GRID2: variants seen among roughly 807,000 people sequenced by gnomAD.
The protein encoded by GRID2 is glutamate receptor ionotropic, delta-2.
Under a neutral mutation model 114.8 loss-of-function variants are expected in GRID2, and 33 were observed. The observed-to-expected ratio is 0.29, with a 90% CI of 0.22 to 0.38. The LOEUF (loss-of-function observed/expected upper bound fraction) is 0.38, where lower values mean the gene tolerates loss of function less well. GRID2 is among the 10% of genes least tolerant of loss of function. The pLI, the probability that GRID2 is intolerant of heterozygous loss-of-function variation, is 1.00. For missense variants in GRID2, 1,184 were observed against 1,257.7 expected, an observed-to-expected ratio of 0.94 and a Z score of 0.89; for synonymous variants, 505 against 449.9, an observed-to-expected ratio of 1.12 and a Z score of -1.55.
intron 1 of GRID2, among the ~76,000 whole-genome samples, chr4:92,418,855 A>T (rs190254686): frequency 6.6e-6 from 1 of 152,138 alleles, no homozygotes; most frequent in Admixed American, 6.6e-5. Flanking sequence ...GAGCTTCAAA[A>T]AATAATAATA....
rs986662011 is a variant in GRID2 at position 93,748,977 on chromosome 4, T to C, written c.2361-20233T>C. Among the ~76,000 whole-genome samples, 16 of 150,544 alleles carry C rather than the reference T, an allele frequency of 1.1e-4. No homozygotes were observed. In the East Asian group the frequency reaches 2.6e-3, roughly 24 times the overall value. ...ACCATTGCATAGGTAGGGGTATTCT[T>C]CCACTACAGTCACATCATTTGGCCT... On this transcript the variant is annotated intron_variant, in intron 14 of 15. Transcript: ENST00000282020.
chr4:93,144,182 G>A (rs1311316007), intron 4 of GRID2, among the ~76,000 whole-genome samples: 3 of 152,028 alleles, frequency 2.0e-5, no homozygotes, highest in South Asian at 2.1e-4. Context: ...CACACTTTGC[G>A]AACAACTATT....
intron 8 of GRID2, among the ~76,000 whole-genome samples, chr4:93,239,289 ATG>A (rs1240283158): frequency 1.3e-4 from 19 of 150,018 alleles, no homozygotes; most frequent in African/African-American, 4.6e-4. Context: ...ATCAAATCAT[ATG>A]TATATATACA....
intron 5 of GRID2, among the ~76,000 whole-genome samples, chr4:93,215,138 A>G (rs1744042742): frequency 1.3e-5 from 2 of 152,126 alleles, no homozygotes; most frequent in African/African-American, 4.8e-5. Context: ...TTTTTATCCA[A>G]TATGCTGATT....
chr4:92,774,131 G>T (rs950352888), intron 2 of GRID2, among the ~76,000 whole-genome samples: 2 of 152,102 alleles, frequency 1.3e-5, no homozygotes, highest in African/African-American at 4.8e-5. Context: ...ATCCAGCCCA[G>T]CCAAGGCAGA....
At chr4:92,482,035 A>ATAT (rs1560660653) in intron 1 of GRID2, among the ~76,000 whole-genome samples, 2 of 57,172 alleles carry the variant, frequency 3.5e-5, no homozygotes, top group African/African-American at 1.3e-4. Context: ...TATATATATA[A>ATAT]AATAACAATA....
chr4:93,797,956 C>G (rs1399488652), intron 1 of GRID2, among the ~76,000 whole-genome samples: 1 of 151,550 alleles, frequency 6.6e-6, no homozygotes, highest in Admixed American at 6.6e-5. Flanking sequence ...AGTTCCAGAC[C>G]AGCCTGACCA....
rs35452796 is a variant in GRID2, at chr4:93,354,671, C to CGTGT, written c.1246-40895_1246-40892dup. Among the ~76,000 whole-genome samples, 469 of 130,282 alleles carry CGTGT rather than the reference C, an allele frequency of 3.6e-3. 2 individuals are homozygous for CGTGT. Among genetic ancestry groups the CGTGT allele is most frequent in the Admixed American group, 6.0e-3 (74 of 12,418 alleles). The allele number at this position is 130,282 out of a possible 152,430, so 85.5% of individuals were successfully genotyped here. A position where few individuals can be genotyped will look rare whatever the true frequency, so the allele number is the denominator to read the frequency against. Reference sequence around the variant, plus strand: ...ATTTACTCCCCTGGGGTGGCTCATCCGTGTGTGTGTGTGTGTGTGTGTGTG... The same window carrying CGTGT: ...ATTTACTCCCCTGGGGTGGCTCATCCGTGTGTGTGTGTGTGTGTGTGTGTGTGTG... On this transcript the variant is annotated intron_variant, in intron 8 of 15. Transcript: ENST00000282020.
chr4:93,185,275 T>C (rs991961920), intron 4 of GRID2, among the ~76,000 whole-genome samples: 1 of 152,196 alleles, frequency 6.6e-6, no homozygotes, highest in Non-Finnish European at 1.5e-5. Flanking sequence ...GAAATGTTTT[T>C]GTCATTTGCT....
At chr4:92,347,427 C>T (rs1426185287) in intron 1 of GRID2, among the ~76,000 whole-genome samples, 2 of 152,026 alleles carry the variant, frequency 1.3e-5, no homozygotes, top group Non-Finnish European at 2.9e-5. Context: ...TACATATATG[C>T]CTAATCAATA....
chr4:92,517,709 T>C (rs1295101105), intron 1 of GRID2, among the ~76,000 whole-genome samples: 1 of 151,918 alleles, frequency 6.6e-6, no homozygotes, highest in Non-Finnish European at 1.5e-5. Context: ...GTTAAAATAG[T>C]CAATTTTTAA....
At chr4:92,596,279 A>T (rs1307482004) in intron 2 of GRID2, among the ~76,000 whole-genome samples, 1 of 151,930 alleles carries the variant, frequency 6.6e-6, no homozygotes, top group African/African-American at 2.4e-5. Flanking sequence ...CACTGTTTTC[A>T]TTCCTACTTT....
chr4:92,531,741 T>C (rs551376561), intron 1 of GRID2, among the ~76,000 whole-genome samples: 45 of 152,230 alleles, frequency 3.0e-4, no homozygotes, highest in African/African-American at 8.7e-4. Context: ...TTTCCTGTTA[T>C]TAAAAACCAT....
At chr4:93,745,316 G>C (rs765396132) in intron 14 of GRID2, among the ~76,000 whole-genome samples, 20 of 151,880 alleles carry the variant, frequency 1.3e-4, no homozygotes, top group Non-Finnish European at 2.5e-4. Context: ...AGCAGACTTA[G>C]AAAAAAAGAG....
chr4:92,447,776 C>G (rs1733548080), intron 1 of GRID2, among the ~76,000 whole-genome samples: 1 of 152,144 alleles, frequency 6.6e-6, no homozygotes, highest in African/African-American at 2.4e-5. Flanking sequence ...AGCTAACATT[C>G]TGAGTTCTCT....
intron 1 of GRID2, among the ~76,000 whole-genome samples, chr4:92,447,570 T>A (rs1198839651): frequency 6.6e-6 from 1 of 152,238 alleles, no homozygotes; most frequent in African/African-American, 2.4e-5. Context: ...TAACTTCTTA[T>A]CTTAGTCCAC....
intron 1 of GRID2, among the ~76,000 whole-genome samples, chr4:93,793,020 T>A (rs2110360214): frequency 6.6e-6 from 1 of 152,350 alleles, no homozygotes. Flanking sequence ...ATAAGTATCT[T>A]TTTAACCTAT....
At chr4:92,605,168 C>T (rs1307299548) in intron 2 of GRID2, among the ~76,000 whole-genome samples, 2 of 152,014 alleles carry the variant, frequency 1.3e-5, no homozygotes, top group Non-Finnish European at 2.9e-5. Flanking sequence ...TGGTCTCAGG[C>T]AGTTCTTTAT....
chr4:92,672,840 C>T (rs1009026954), intron 2 of GRID2, among the ~76,000 whole-genome samples: 1 of 152,020 alleles, frequency 6.6e-6, no homozygotes, highest in Non-Finnish European at 1.5e-5. Context: ...TAATTGTTCT[C>T]TTTGAACTAT....
Sources: gnomAD v4.1 joint callset for allele counts (sites outside exome capture counted in the v4.1 genomes callset) on GRCh38, gnomAD v4.1.1 for gene constraint, MANE v1.5 for transcripts, NCBI Gene and HGNC (gene_info 2026-07-23, HGNC 2026-07-21) for gene names.